The following SNX30 variants were observed in gnomAD, a reference collection of about 807,000 sequenced individuals.
SNX30 encodes the protein sorting nexin-30.
In SNX30, 24 loss-of-function variants were observed where a neutral mutation model predicts 46.4. That is an observed-to-expected ratio of 0.52 (90% CI 0.37 to 0.73). The LOEUF (loss-of-function observed/expected upper bound fraction) is 0.73, where lower values mean the gene tolerates loss of function less well. Among genes scored for constraint, SNX30 ranks in the 30% least tolerant of loss-of-function variants. SNX30 has a pLI of 0.00. For missense variants in SNX30, 533 were observed against 555.7 expected, an observed-to-expected ratio of 0.96 and a Z score of 0.41; for synonymous variants, 189 against 211.5, an observed-to-expected ratio of 0.89 and a Z score of 0.92.
intron 1 of SNX30, among the ~76,000 whole-genome samples, chr9:112,777,414 A>C (rs34627036): frequency 0.22 from 33,687 of 150,290 alleles, 4,726 homozygotes; most frequent in East Asian, 0.42. Context: ...TAATCTTTTT[A>C]AAGATATTTA....
chr9:112,839,549 G>T (rs1258065544), intron 6 of SNX30, among the ~76,000 whole-genome samples: 1 of 152,192 alleles, frequency 6.6e-6, no homozygotes, highest in Non-Finnish European at 1.5e-5. Flanking sequence ...ATGCGCCAGT[G>T]CCCACACTGG....
At position 112,811,609 on chromosome 9, in the gene SNX30, G is replaced by A. The variant is rs1020971526; in HGVS notation, c.349-6096G>A. Among the ~76,000 whole-genome samples, 4 of 152,200 alleles carry A rather than the reference G, an allele frequency of 2.6e-5. No homozygotes were observed. In the South Asian group the frequency reaches 6.2e-4, roughly 24 times the overall value. On this transcript the variant is annotated intron_variant, in intron 2 of 8. Coordinates refer to ENST00000374232, the MANE Select transcript of SNX30 (RefSeq NM_001012994.2). The stretch of plus-strand genomic sequence containing the variant: ...TGGAGATGACCAGGGACGTATCCAC[G>A]TGGAGTGATGGTGTTACACTTCTAG...
chr9:112,794,444 C>T (rs1240818604), intron 1 of SNX30, among the ~76,000 whole-genome samples: 4 of 152,180 alleles, frequency 2.6e-5, no homozygotes, highest in South Asian at 2.1e-4. Flanking sequence ...AGCCACTGCG[C>T]GTGGCCAACA....
At chr9:112,837,149 T>G (rs1277714757) in intron 5 of SNX30, among the ~76,000 whole-genome samples, 1 of 152,174 alleles carries the variant, frequency 6.6e-6, no homozygotes, top group Non-Finnish European at 1.5e-5. Context: ...GTTGCAACAA[T>G]GGCAAGACTC....
At chr9:112,860,279 C>A (rs1323962307) in intron 7 of SNX30, among the ~76,000 whole-genome samples, 1 of 152,174 alleles carries the variant, frequency 6.6e-6, no homozygotes, top group East Asian at 1.9e-4. Flanking sequence ...ACGTTTAAGT[C>A]CTTTGCTCAT....
chr9:112,849,256 C>G (rs1027816206), intron 6 of SNX30, among the ~76,000 whole-genome samples: 1 of 152,164 alleles, frequency 6.6e-6, no homozygotes, highest in African/African-American at 2.4e-5. Flanking sequence ...GTATGAAGTC[C>G]ACAAAGGACT....
At chr9:112,763,360 C>CTTTTTTTT (rs751720343) in intron 1 of SNX30, among the ~76,000 whole-genome samples, 2 of 47,588 alleles carry the variant, frequency 4.2e-5, no homozygotes, top group African/African-American at 9.6e-5. Context: ...GCTATTTAAA[C>CTTTTTTTT]TTTTTTTTTT....
chr9:112,853,726 G>A (rs562087932), intron 7 of SNX30, among the ~76,000 whole-genome samples: 2 of 152,342 alleles, frequency 1.3e-5, no homozygotes, highest in African/African-American at 2.4e-5. Context: ...TGGGGAAATC[G>A]TGGTCAAAAG....
At chr9:112,771,695 A>G (rs1588110606) in intron 1 of SNX30, among the ~76,000 whole-genome samples, 2 of 152,334 alleles carry the variant, frequency 1.3e-5, no homozygotes, top group African/African-American at 4.8e-5. Flanking sequence ...GCTTCAAAAA[A>G]AGGGGCCAGT....
At chr9:112,821,486 T>A (rs1361346026) in intron 3 of SNX30, among the ~76,000 whole-genome samples, 3 of 152,078 alleles carry the variant, frequency 2.0e-5, no homozygotes, top group Non-Finnish European at 4.4e-5. Flanking sequence ...TATATGTGTG[T>A]GTATATAATT....
chr9:112,882,799 A>G (rs1356062188), downstream of SNX30, among the ~76,000 whole-genome samples: 4 of 152,032 alleles, frequency 2.6e-5, no homozygotes, highest in Non-Finnish European at 5.9e-5. Flanking sequence ...GGTATCAAGA[A>G]CCCTATTTTG....
chr9:112,862,743 G>A (rs6477963), intron 7 of SNX30, among the ~76,000 whole-genome samples: 70,634 of 151,354 alleles, frequency 0.47, 17,941 homozygotes, highest in African/African-American at 0.68. Context: ...CCTACTTATT[G>A]TAGAGATGGG....
chr9:112,793,701 C>T (rs1281496086), intron 1 of SNX30, among the ~76,000 whole-genome samples: 1 of 152,046 alleles, frequency 6.6e-6, no homozygotes. Flanking sequence ...CAGTAGACAG[C>T]CTTTGAGACC....
chr9:112,789,097 C>G (rs543431459), intron 1 of SNX30, among the ~76,000 whole-genome samples: 2 of 152,106 alleles, frequency 1.3e-5, no homozygotes, highest in East Asian at 1.9e-4. Context: ...CACCTGGCCC[C>G]GAGAACAGGA....
chr9:112,831,592 C>G (rs530917418), intron 4 of SNX30, among the ~76,000 whole-genome samples: 8 of 152,316 alleles, frequency 5.3e-5, no homozygotes, highest in Non-Finnish European at 1.0e-4. Flanking sequence ...GGTAGCGTCA[C>G]TAGGATCTCA....
chr9:112,877,048 A>ATTG (rs1408761352), downstream of SNX30: 6 of 152,146 alleles, frequency 3.9e-5, no homozygotes, highest in Non-Finnish European at 8.8e-5. Context: ...TGAGACACCA[A>ATTG]TTGTTGAGCC....
In SNX30 at chr9:112,751,205, G is replaced by C. The variant is rs573846509; in HGVS notation, c.156+48G>C. The C allele has an allele frequency of 7.5e-5, 102 of 1,355,702 alleles. No individual in the cohort carries two copies. In the South Asian group the frequency reaches 1.4e-3, roughly 19 times the overall value. The allele number at this position is 1,355,702 out of a possible 1,614,324, so 84.0% of individuals were successfully genotyped here. On this transcript the variant is annotated intron_variant, in intron 1 of 8. Coordinates refer to ENST00000374232, the MANE Select transcript of SNX30 (RefSeq NM_001012994.2). ...GTGGGAGGCTTATTTCGCTCCCCGT[G>C]GGGGGGATGATGGATCCGGAGCCTT...
intron 2 of SNX30, among the ~76,000 whole-genome samples, chr9:112,810,347 TC>T (rs2044015903): frequency 6.6e-6 from 1 of 152,166 alleles, no homozygotes; most frequent in Non-Finnish European, 1.5e-5. Flanking sequence ...AGCAGTGTGC[TC>T]ACACACCCAG....
At chr9:112,846,718 TG>T (rs1232132203) in intron 6 of SNX30, among the ~76,000 whole-genome samples, 8 of 152,260 alleles carry the variant, frequency 5.3e-5, no homozygotes, top group Admixed American at 1.3e-4. Context: ...CAGTTCTCTG[TG>T]GGGGGTGAGC....
Sources: allele counts gnomAD v4.1 joint callset (sites outside exome capture counted in the v4.1 genomes callset), GRCh38; gene constraint gnomAD v4.1.1; transcripts MANE v1.5; gene names NCBI Gene and HGNC (gene_info 2026-07-23, HGNC 2026-07-21).